Variants in ENG observed in about 807,000 individuals in gnomAD.
ENG encodes endoglin.
ENG carries 17 observed loss-of-function variants against 71.0 expected under a neutral mutation model. That is an observed-to-expected ratio of 0.24 (90% CI 0.16 to 0.36). The LOEUF is 0.36. Among genes scored for constraint, ENG ranks in the 10% least tolerant of loss-of-function variants. The pLI, the probability that ENG is intolerant of heterozygous loss-of-function variation, is 1.00. For missense variants in ENG, 749 were observed against 868.3 expected, an observed-to-expected ratio of 0.86 and a Z score of 1.73; for synonymous variants, 360 against 366.9, an observed-to-expected ratio of 0.98 and a Z score of 0.21.
chr9:127,849,769 G>A (rs553206486), intron 1 of ENG, among the ~76,000 whole-genome samples: 3 of 152,346 alleles, frequency 2.0e-5, no homozygotes, highest in Non-Finnish European at 2.9e-5. Flanking sequence ...GCAGCACACT[G>A]CAGTGCTTAG....
intron 3 of ENG, 108 bp downstream of exon 3, chr9:127,829,579 A>C: frequency 7.0e-7 from 1 of 1,431,090 alleles, no homozygotes; most frequent in South Asian, 1.2e-5. Context: ...GATGAAAGGG[A>C]GAAGCAGGGC....
intron 3 of ENG, among the ~76,000 whole-genome samples, chr9:127,829,211 A>G (rs1830699462): frequency 6.6e-6 from 1 of 152,244 alleles, no homozygotes. Context: ...CAAACTCAAC[A>G]AAGTGTGAAG....
intron 2 of ENG, among the ~76,000 whole-genome samples, chr9:127,835,015 C>A (rs1181703993): frequency 6.6e-6 from 1 of 150,596 alleles, no homozygotes. Flanking sequence ...TAATTTTTTT[C>A]TTTTAAGACA....
At position 127,824,447 on chromosome 9, in the gene ENG, C is replaced by T; in HGVS notation, c.992-1G>A. On this transcript the variant is annotated splice_acceptor_variant, in intron 7 of 14. Transcript: ENST00000373203. LOFTEE classifies it high-confidence loss of function. ...GCGGGTGAGGTCTGCAGCCTACCACCTGTGGGGTAGCAGAGGCAGGCCAGG... is the reference window on the plus strand; with the variant it reads ...GCGGGTGAGGTCTGCAGCCTACCACTTGTGGGGTAGCAGAGGCAGGCCAGG... The T allele has an allele frequency of 1.2e-6, 2 of 1,611,828 alleles. No individual in the cohort carries two copies. The highest frequency in any genetic ancestry group is 1.7e-6 in the Non-Finnish European group (2 of 1,179,388).
chr9:127,816,145 T>C, intron 13 of ENG, 92 bp from the exon 14 acceptor site: 2 of 1,491,204 alleles, frequency 1.3e-6, no homozygotes, highest in Non-Finnish European at 1.8e-6. Flanking sequence ...TGGTGCCAGC[T>C]CTGCTCAGCC....
chr9:127,830,339 C>T (rs1198229643), intron 2 of ENG, among the ~76,000 whole-genome samples: 1 of 104,874 alleles, frequency 9.5e-6, no homozygotes, highest in Non-Finnish European at 1.8e-5. Flanking sequence ...GAGACTCCAT[C>T]TAAAAAAAAA....
At chr9:127,832,413 C>T (rs1830788222) in intron 2 of ENG, among the ~76,000 whole-genome samples, 2 of 152,282 alleles carry the variant, frequency 1.3e-5, no homozygotes, top group African/African-American at 4.8e-5. Flanking sequence ...GGAACCAAGA[C>T]CCTGAGAGGT....
intron 10 of ENG, chr9:127,819,206 C>A: frequency 3.1e-6 from 1 of 325,418 alleles, no homozygotes; most frequent in South Asian, 2.8e-5. Context: ...CAAAGTGCTG[C>A]GATTACAGGC....
At chr9:127,834,256 T>TA (rs1830840913) in intron 2 of ENG, among the ~76,000 whole-genome samples, 1 of 151,714 alleles carries the variant, frequency 6.6e-6, no homozygotes, top group African/African-American at 2.4e-5. Flanking sequence ...TATATATATA[T>TA]TTTTGAGATG....
rs375965489 is a variant in ENG at position 127,818,124 on chromosome 9, T to C, written c.1682A>G (p.Asp561Gly). The change falls in exon 12 of 15, where the codon GAC becomes GGC. Residue 561 changes from aspartate (D) to glycine (G), a missense_variant. By Grantham distance (94) the Asp-to-Gly change is moderately conservative. Coordinates refer to ENST00000373203, the MANE Select transcript of ENG (RefSeq NM_001114753.3). ...VALRPKTGSQ[D>G]QEVHRTVFMR... ...GCCGGCCCAGGCCCCACTCACCTGG[T>C]CTTGAGACCCGGTCTTGGGACGCAG... is the stretch of plus-strand genomic sequence containing the variant. 2 of 1,614,116 alleles carry C rather than the reference T, an allele frequency of 1.2e-6. No individual in the cohort carries two copies. Among genetic ancestry groups the C allele is most frequent in the Non-Finnish European group, 1.7e-6 (2 of 1,180,042 alleles).
chr9:127,828,114 C>A (rs1465648350), intron 3 of ENG, among the ~76,000 whole-genome samples: 2 of 151,008 alleles, frequency 1.3e-5, no homozygotes, highest in African/African-American at 4.9e-5. Context: ...CTGGCCCAAG[C>A]TAGATATTGA....
intron 2 of ENG, among the ~76,000 whole-genome samples, chr9:127,831,097 G>A (rs867681290): frequency 1.3e-5 from 2 of 151,380 alleles, no homozygotes; most frequent in South Asian, 4.2e-4. Context: ...TCCCAGCAGT[G>A]TTCTAAGTGC....
chr9:127,827,738 C>T (rs1830657666), intron 3 of ENG, among the ~76,000 whole-genome samples: 1 of 151,844 alleles, frequency 6.6e-6, no homozygotes, highest in Non-Finnish European at 1.5e-5. Flanking sequence ...CCCTCCTGGC[C>T]AGGCACAGTG....
At chr9:127,826,790 G>A in intron 3 of ENG, 118 bp from the exon 4 acceptor site, 2 of 1,355,996 alleles carry the variant, frequency 1.5e-6, no homozygotes, top group Middle Eastern at 2.5e-4. Context: ...AAAGAGGCCG[G>A]AGCTGAGAAT....
intron 3 of ENG, among the ~76,000 whole-genome samples, chr9:127,828,019 C>CAAAAAAAAAAA (rs997493323): frequency 9.6e-5 from 3 of 31,194 alleles, no homozygotes; most frequent in African/African-American, 2.7e-4. Context: ...AACTCCATCT[C>CAAAAAAAAAAA]AAAAAAAAAA....
rs1831237367 is a variant in ENG at position 127,849,158 on chromosome 9, C to G, written c.67+5131G>C. Among the ~76,000 whole-genome samples, 3 of 152,172 alleles carry G rather than the reference C, an allele frequency of 2.0e-5. No homozygotes were observed. The South Asian group carries it at 6.2e-4, about 32-fold the overall frequency. The stretch of plus-strand genomic sequence containing the variant: ...CCCCTGCTCTCTCTAAAATAGCTAA[C>G]TGGAATTAGCTTAGACTGTGCGGTC... On this transcript the variant is annotated intron_variant, in intron 1 of 14. Coordinates refer to ENST00000373203, the MANE Select transcript of ENG (RefSeq NM_001114753.3).
At chr9:127,821,713 T>TAAAA (rs34600598) in intron 8 of ENG, among the ~76,000 whole-genome samples, 2 of 145,772 alleles carry the variant, frequency 1.4e-5, no homozygotes, top group Non-Finnish European at 1.5e-5. Flanking sequence ...CCGTCTCTGC[T>TAAAA]AAAAAAAAAA....
intron 1 of ENG, among the ~76,000 whole-genome samples, chr9:127,852,586 T>C (rs1296045945): frequency 6.6e-6 from 1 of 152,156 alleles, no homozygotes; most frequent in African/African-American, 2.4e-5. Flanking sequence ...GCTATTACTA[T>C]ATATTTTTAA....
chr9:127,816,197 C>G (rs1830310642), intron 13 of ENG, 144 bp from the exon 14 acceptor site: 2 of 1,035,370 alleles, frequency 1.9e-6, no homozygotes, highest in South Asian at 2.8e-5. Flanking sequence ...CCTCTTGCAG[C>G]AAACGGGCTC....
Sources: allele counts gnomAD v4.1 joint callset (sites outside exome capture counted in the v4.1 genomes callset), GRCh38; gene constraint gnomAD v4.1.1; transcripts MANE v1.5; gene names NCBI Gene and HGNC (gene_info 2026-07-23, HGNC 2026-07-21).